Variants in CRB1 observed in about 807,000 individuals in gnomAD.
The protein encoded by CRB1 is crumbs cell polarity complex component 1.
Under a neutral mutation model 120.0 loss-of-function variants are expected in CRB1, and 83 were observed. The ratio of observed to expected loss-of-function variants is 0.69; its 90% CI spans 0.58 to 0.83. CRB1 has a LOEUF of 0.83. Among genes scored for constraint, CRB1 ranks in the 40% least tolerant of loss-of-function variants. CRB1 has a pLI of 0.00. For synonymous variants in CRB1, 625 were observed against 612.5 expected (o/e 1.02, Z -0.30); for missense variants, 1,699 against 1,687.6 (o/e 1.01, Z -0.12).
At chr1:197,418,588 G>A (rs994999323) in intron 5 of CRB1, among the ~76,000 whole-genome samples, 1 of 152,166 alleles carries the variant, frequency 6.6e-6, no homozygotes, top group Non-Finnish European at 1.5e-5. Flanking sequence ...GCCTAGACGT[G>A]TAGATCATAA....
chr1:197,294,503 C>T (rs1656396436), intron 1 of CRB1, among the ~76,000 whole-genome samples: 1 of 152,120 alleles, frequency 6.6e-6, no homozygotes, highest in Non-Finnish European at 1.5e-5. Flanking sequence ...TGTGGAAATT[C>T]CTCAAGGATC....
intron 11 of CRB1, among the ~76,000 whole-genome samples, chr1:197,457,945 A>G (rs1255141320): frequency 6.6e-6 from 1 of 152,144 alleles, no homozygotes; most frequent in Non-Finnish European, 1.5e-5. Context: ...TGTAAGTGCC[A>G]CACTGTGTTT....
intron 5 of CRB1, among the ~76,000 whole-genome samples, chr1:197,367,387 A>G (rs1030921765): frequency 1.3e-5 from 2 of 152,238 alleles, no homozygotes; most frequent in Non-Finnish European, 2.9e-5. Flanking sequence ...AGATAAATCA[A>G]TAAAGAGGAA....
intron 11 of CRB1, among the ~76,000 whole-genome samples, chr1:197,447,983 C>CT (rs1156899327): frequency 6.6e-6 from 1 of 152,024 alleles, no homozygotes; most frequent in Non-Finnish European, 1.5e-5. Context: ...CACATATAAT[C>CT]CACTGATAGA....
intron 5 of CRB1, among the ~76,000 whole-genome samples, chr1:197,402,555 CAAGA>C (rs1663119952): frequency 6.6e-6 from 1 of 152,080 alleles, no homozygotes; most frequent in African/African-American, 2.4e-5. Flanking sequence ...TCTTATTCAA[CAAGA>C]AAAATAGGTC....
At chr1:197,379,516 G>A (rs1299314668) in intron 5 of CRB1, among the ~76,000 whole-genome samples, 1 of 148,956 alleles carries the variant, frequency 6.7e-6, no homozygotes, top group Non-Finnish European at 1.5e-5. Context: ...TAGCCAGGAT[G>A]GTCTCAATCT....
At chr1:197,344,213 C>A in intron 2 of CRB1, 68 bp from the exon 3 acceptor site, 1 of 1,470,860 alleles carries the variant, frequency 6.8e-7, no homozygotes, top group South Asian at 1.1e-5. Flanking sequence ...AAAGCATTGT[C>A]AAATTGCTAA....
At chr1:197,377,041 T>C (rs936127999) in intron 5 of CRB1, among the ~76,000 whole-genome samples, 6 of 152,114 alleles carry the variant, frequency 3.9e-5, no homozygotes, top group African/African-American at 1.4e-4. Context: ...ATTCCCTCTT[T>C]TAAATCTTTA....
intron 5 of CRB1, among the ~76,000 whole-genome samples, chr1:197,379,129 G>A (rs1661802842): frequency 6.6e-6 from 1 of 152,148 alleles, no homozygotes; most frequent in African/African-American, 2.4e-5. Context: ...GGTTGGACTG[G>A]ATGACTTCCT....
chr1:197,237,381 T>C, the CRB1 span, among the ~76,000 whole-genome samples: 1 of 152,164 alleles, frequency 6.6e-6, no homozygotes, highest in South Asian at 2.1e-4. Flanking sequence ...TTCTCAAAGA[T>C]GGCATCTTCT....
chr1:197,277,465 A>C (rs975341523), intron 1 of CRB1, among the ~76,000 whole-genome samples: 21 of 152,132 alleles, frequency 1.4e-4, no homozygotes, highest in African/African-American at 4.8e-4. Context: ...GCTCTGTACA[A>C]CAAGCAATTA....
At chr1:197,404,021 C>T (rs1346936691) in intron 5 of CRB1, among the ~76,000 whole-genome samples, 1 of 152,204 alleles carries the variant, frequency 6.6e-6, no homozygotes, top group Non-Finnish European at 1.5e-5. Context: ...ACCAGTTTCA[C>T]AGATACTTCA....
chr1:197,373,083 TG>T (rs1661458645), intron 5 of CRB1, among the ~76,000 whole-genome samples: 1 of 152,132 alleles, frequency 6.6e-6, no homozygotes, highest in African/African-American at 2.4e-5. Flanking sequence ...TCTCCCTCCA[TG>T]GCCATGAAAC....
At chr1:197,266,234 ACTT>A (rs996673192), upstream of CRB1, among the ~76,000 whole-genome samples, 33 of 152,226 alleles carry the variant, frequency 2.2e-4, no homozygotes, top group African/African-American at 7.7e-4. Flanking sequence ...AGAGAAATTG[ACTT>A]CTTATAATTT....
chr1:197,391,760 A>G (rs1662517538), intron 5 of CRB1, among the ~76,000 whole-genome samples: 1 of 152,076 alleles, frequency 6.6e-6, no homozygotes, highest in Admixed American at 6.6e-5. Flanking sequence ...AAAGGCTTTC[A>G]AAGAGCTGAT....
chr1:197,230,552 G>T, the CRB1 span, among the ~76,000 whole-genome samples: 1 of 151,982 alleles, frequency 6.6e-6, no homozygotes, highest in South Asian at 2.1e-4. Flanking sequence ...TCACTATGTG[G>T]CAAATTTACT....
At chr1:197,396,977 T>C (rs957877546) in intron 5 of CRB1, among the ~76,000 whole-genome samples, 1 of 152,070 alleles carries the variant, frequency 6.6e-6, no homozygotes, top group Admixed American at 6.6e-5. Flanking sequence ...GTTTCAGCTC[T>C]TTGAAAGACA....
At chr1:197,266,074 T>C (rs1311434128), upstream of CRB1, among the ~76,000 whole-genome samples, 4 of 152,240 alleles carry the variant, frequency 2.6e-5, no homozygotes, top group Non-Finnish European at 5.9e-5. Flanking sequence ...TTCTAGTTTC[T>C]TGATTTGCCC....
the CRB1 span, among the ~76,000 whole-genome samples, chr1:197,211,088 T>C: frequency 2.0e-5 from 3 of 152,222 alleles, no homozygotes; most frequent in Non-Finnish European, 1.5e-5. Flanking sequence ...TGAATTATGT[T>C]CAACATTTAT....
Sources: gnomAD v4.1 joint callset for allele counts (sites outside exome capture counted in the v4.1 genomes callset) on GRCh38, gnomAD v4.1.1 for gene constraint, MANE v1.5 for transcripts, NCBI Gene and HGNC (gene_info 2026-07-23, HGNC 2026-07-21) for gene names.